The following TOP6BL variants were observed in gnomAD, a reference collection of about 807,000 sequenced individuals.
TOP6BL encodes the protein TOP6B like initiator of meiotic double strand breaks, also known as type 2 DNA topoisomerase 6 subunit B-like.
At chr11:66,770,758 C>T in the TOP6BL span, among the ~76,000 whole-genome samples, 2 of 152,112 alleles carry the variant, frequency 1.3e-5, no homozygotes, top group Admixed American at 6.6e-5. Context: ...TTTTAAACTC[C>T]ATCTTCCCCT....
At chr11:66,793,114 G>A in the TOP6BL span, among the ~76,000 whole-genome samples, 4 of 150,620 alleles carry the variant, frequency 2.7e-5, no homozygotes, top group African/African-American at 9.8e-5. Flanking sequence ...TTGAGATGGA[G>A]TCTCACTCTG....
the TOP6BL span, among the ~76,000 whole-genome samples, chr11:66,812,799 G>A: frequency 1.3e-5 from 2 of 152,196 alleles, no homozygotes; most frequent in African/African-American, 4.8e-5. Flanking sequence ...GTCTGGAGAC[G>A]TTTTTTATTG....
chr11:66,795,550 C>G, the TOP6BL span, among the ~76,000 whole-genome samples: 1 of 152,068 alleles, frequency 6.6e-6, no homozygotes, highest in South Asian at 2.1e-4. Flanking sequence ...AATTAGCCCA[C>G]CTCGGCCTCC....
At chr11:66,777,443 A>G in the TOP6BL span, among the ~76,000 whole-genome samples, 1 of 152,206 alleles carries the variant, frequency 6.6e-6, no homozygotes. Flanking sequence ...TATTCTGAAT[A>G]CACAGTTCTC....
chr11:66,807,527 C>T, the TOP6BL span, among the ~76,000 whole-genome samples: 3 of 152,094 alleles, frequency 2.0e-5, no homozygotes, highest in African/African-American at 7.2e-5. Flanking sequence ...GCCGAGATCG[C>T]GCCATTGCAC....
the TOP6BL span, chr11:66,756,222 T>C: frequency 1.1e-6 from 1 of 903,600 alleles, no homozygotes; most frequent in Non-Finnish European, 1.3e-6. Flanking sequence ...TTGGGAAATG[T>C]TAGTTAAAAT....
chr11:66,822,180 G>T, the TOP6BL span, among the ~76,000 whole-genome samples: 1 of 151,698 alleles, frequency 6.6e-6, no homozygotes, highest in East Asian at 1.9e-4. Flanking sequence ...CATCCATCCT[G>T]TGTACTTTTG....
At chr11:66,810,412 A>G in the TOP6BL span, among the ~76,000 whole-genome samples, 1 of 152,238 alleles carries the variant, frequency 6.6e-6, no homozygotes, top group African/African-American at 2.4e-5. Flanking sequence ...TAAACCAAAA[A>G]GCATCCAAGA....
chr11:66,784,006 G>A, the TOP6BL span, among the ~76,000 whole-genome samples: 8 of 151,020 alleles, frequency 5.3e-5, no homozygotes, highest in African/African-American at 1.9e-4. Context: ...TTTTGTTTTT[G>A]TTTTTTTTGG....
At chr11:66,843,395 C>A in the TOP6BL span, 1 of 1,427,756 alleles carries the variant, frequency 7.0e-7, no homozygotes, top group Non-Finnish European at 9.1e-7. Flanking sequence ...GCGCCGCGGC[C>A]TGACGTCACC....
chr11:66,800,578 T>C, the TOP6BL span: 6 of 1,292,346 alleles, frequency 4.6e-6, no homozygotes, highest in South Asian at 1.4e-5. Flanking sequence ...GGATTAGATA[T>C]GGAAGTTTTT....
chr11:66,759,933 A>G, the TOP6BL span, among the ~76,000 whole-genome samples: 1 of 152,304 alleles, frequency 6.6e-6, no homozygotes, highest in Middle Eastern at 3.4e-3. Context: ...GCCAAAGGCC[A>G]TAACATTTAT....
chr11:66,747,644 A>C, the TOP6BL span, among the ~76,000 whole-genome samples: 3,037 of 152,292 alleles, frequency 0.02, 38 homozygotes, highest in South Asian at 0.031. Flanking sequence ...AATTTGGCAC[A>C]TCAGGGATTC....
At chr11:66,831,996 CAAAAAA>C in the TOP6BL span, among the ~76,000 whole-genome samples, 1 of 46,650 alleles carries the variant, frequency 2.1e-5, no homozygotes. Context: ...GACTCTGTCT[CAAAAAA>C]AAAAAAAAAA....
At chr11:66,833,238 G>A in the TOP6BL span, among the ~76,000 whole-genome samples, 1 of 151,626 alleles carries the variant, frequency 6.6e-6, no homozygotes, top group Admixed American at 6.6e-5. Context: ...TAGTAGAGAC[G>A]GGGTTTTGCC....
At chr11:66,826,911 G>C in the TOP6BL span, among the ~76,000 whole-genome samples, 1 of 148,438 alleles carries the variant, frequency 6.7e-6, no homozygotes. Context: ...TCAAACTCCC[G>C]ACCTCAGGTG....
the TOP6BL span, among the ~76,000 whole-genome samples, chr11:66,827,874 A>G: frequency 1.4e-5 from 2 of 146,022 alleles, no homozygotes; most frequent in African/African-American, 2.5e-5. Context: ...CTGAAGCAGG[A>G]GAATCACTTG....
the TOP6BL span, among the ~76,000 whole-genome samples, chr11:66,798,131 C>G: frequency 6.6e-6 from 1 of 151,986 alleles, no homozygotes; most frequent in Admixed American, 6.6e-5. Flanking sequence ...CACTTCTTAC[C>G]TTATGTTACA....
At chr11:66,744,923 A>C in the TOP6BL span, 2 of 1,254,926 alleles carry the variant, frequency 1.6e-6, no homozygotes, top group Non-Finnish European at 2.0e-6. Flanking sequence ...GTTCGAGGTG[A>C]TGCTGGGAAG....
Sources: gnomAD v4.1 joint callset for allele counts (sites outside exome capture counted in the v4.1 genomes callset) on GRCh38, gnomAD v4.1.1 for gene constraint, MANE v1.5 for transcripts, NCBI Gene and HGNC (gene_info 2026-07-23, HGNC 2026-07-21) for gene names.